FGF12: variants seen among roughly 807,000 people sequenced by gnomAD.
FGF12 encodes fibroblast growth factor 12B.
Under a neutral mutation model 23.6 loss-of-function variants are expected in FGF12, and 14 were observed. The observed-to-expected ratio is 0.59, with a 90% CI of 0.39 to 0.93. FGF12 has a LOEUF of 0.93. FGF12 is among the 40% of genes least tolerant of loss of function. The pLI, the probability that FGF12 is intolerant of heterozygous loss-of-function variation, is 0.00. For synonymous variants in FGF12, 62 were observed against 77.3 expected (o/e 0.80, Z 1.04); for missense variants, 175 against 217.8 (o/e 0.80, Z 1.24).
intron 2 of FGF12, among the ~76,000 whole-genome samples, chr3:192,439,374 A>G (rs1015405451): frequency 6.6e-6 from 1 of 152,154 alleles, no homozygotes; most frequent in African/African-American, 2.4e-5. Context: ...GGGAGCTGAA[A>G]AGAACATCAA....
At chr3:192,719,260 C>A (rs1434745627) in intron 2 of FGF12, among the ~76,000 whole-genome samples, 1 of 152,194 alleles carries the variant, frequency 6.6e-6, no homozygotes. Flanking sequence ...GAACAGCTAA[C>A]AAACAGCAGG....
intron 3 of FGF12, among the ~76,000 whole-genome samples, chr3:192,351,427 A>G (rs1464050046): frequency 2.0e-5 from 3 of 152,236 alleles, no homozygotes; most frequent in Non-Finnish European, 2.9e-5. Flanking sequence ...AATCGGTGAT[A>G]TTTAAGGGGT....
chr3:192,273,957 C>T (rs1436403478), intron 4 of FGF12, among the ~76,000 whole-genome samples: 3 of 151,328 alleles, frequency 2.0e-5, no homozygotes, highest in African/African-American at 4.9e-5. Context: ...CTGTCATCAG[C>T]ATCGTAATGA....
At chr3:192,688,888 T>TAA (rs1388818516) in intron 2 of FGF12, among the ~76,000 whole-genome samples, 6 of 152,146 alleles carry the variant, frequency 3.9e-5, no homozygotes, top group African/African-American at 1.4e-4. Context: ...GATATATATA[T>TAA]AATGAAATAC....
At chr3:192,306,976 CT>C (rs1407870703) in intron 4 of FGF12, among the ~76,000 whole-genome samples, 1 of 151,990 alleles carries the variant, frequency 6.6e-6, no homozygotes, top group East Asian at 1.9e-4. Flanking sequence ...AGAAAAGTAC[CT>C]GTGAAAGAAT....
At chr3:192,318,626 C>G (rs1296421601) in intron 4 of FGF12, among the ~76,000 whole-genome samples, 1 of 151,642 alleles carries the variant, frequency 6.6e-6, no homozygotes, top group Non-Finnish European at 1.5e-5. Flanking sequence ...GAGTTGTTGG[C>G]CTTAAGGAGG....
intron 2 of FGF12, among the ~76,000 whole-genome samples, chr3:192,635,465 T>C (rs1715543841): frequency 6.6e-6 from 1 of 152,246 alleles, no homozygotes; most frequent in Non-Finnish European, 1.5e-5. Context: ...TTAACTTAAG[T>C]ACAACCTGGT....
chr3:192,167,542 T>G (rs1360446820), intron 5 of FGF12, among the ~76,000 whole-genome samples: 2 of 151,320 alleles, frequency 1.3e-5, no homozygotes. Flanking sequence ...TAGATTTGTT[T>G]TGTGAGAGAA....
intron 5 of FGF12, among the ~76,000 whole-genome samples, chr3:192,167,913 C>T (rs769543739): frequency 8.6e-5 from 13 of 150,456 alleles, no homozygotes; most frequent in Non-Finnish European, 1.3e-4. Context: ...ATTACCGGCA[C>T]GTGCCACCAC....
intron 4 of FGF12, among the ~76,000 whole-genome samples, chr3:192,318,254 A>G (rs143454197): frequency 3.5e-4 from 54 of 152,346 alleles, no homozygotes; most frequent in African/African-American, 1.3e-3. Context: ...AATGAACTAA[A>G]TAAGACCCCA....
intron 3 of FGF12, among the ~76,000 whole-genome samples, chr3:192,358,535 T>C (rs757413408): frequency 3.9e-5 from 6 of 152,106 alleles, no homozygotes; most frequent in Non-Finnish European, 7.4e-5. Flanking sequence ...TGCTAAGATA[T>C]ATATATGCAT....
chr3:192,621,463 T>C (rs912097020), intron 2 of FGF12, among the ~76,000 whole-genome samples: 3 of 152,218 alleles, frequency 2.0e-5, no homozygotes, highest in South Asian at 4.1e-4. Flanking sequence ...TCTGCCACTG[T>C]GATCTTAGAG....
chr3:192,515,585 G>A (rs1009611725), intron 2 of FGF12: 2 of 152,514 alleles, frequency 1.3e-5, no homozygotes, highest in African/African-American at 4.8e-5. Context: ...GATTGGCAGC[G>A]GCGTGCTTGT....
chr3:192,360,596 A>G lies in FGF12; in HGVS notation c.14-58T>C. The G allele has an allele frequency of 8.5e-7, 1 of 1,171,792 alleles. No individual in the cohort carries two copies. The highest frequency in any genetic ancestry group is 1.3e-6 in the Non-Finnish European group (1 of 778,828). 72.6% of individuals were successfully genotyped at this position (1,171,792 alleles called of 1,614,324 possible). A position where few individuals can be genotyped will look rare whatever the true frequency, so the allele number is the denominator to read the frequency against. On this transcript the variant is annotated intron_variant, in intron 2 of 5. Coordinates refer to ENST00000445105, the MANE Select transcript of FGF12 (RefSeq NM_004113.6). This position sits in a 1 kb window ranked among gnomAD's most constrained non-coding sequence, Gnocchi z 4.3. Reference sequence around the variant, plus strand: ...TTGGCTTACACAAATGCACACTTACAGATTGTTAAAAACATCCTGTAAGTA... The same window carrying G: ...TTGGCTTACACAAATGCACACTTACGGATTGTTAAAAACATCCTGTAAGTA...
chr3:192,456,309 C>T (rs1722679927), intron 2 of FGF12, among the ~76,000 whole-genome samples: 1 of 152,204 alleles, frequency 6.6e-6, no homozygotes, highest in Non-Finnish European at 1.5e-5. Context: ...TGTTATGCCA[C>T]TGACCAAACT....
chr3:192,708,904 G>C (rs1031298380), intron 2 of FGF12, among the ~76,000 whole-genome samples: 1 of 152,156 alleles, frequency 6.6e-6, no homozygotes, highest in African/African-American at 2.4e-5. Context: ...TTATATTACT[G>C]ATAAAGAACT....
chr3:192,628,037 C>G (rs1269718686), intron 2 of FGF12, among the ~76,000 whole-genome samples: 1 of 152,118 alleles, frequency 6.6e-6, no homozygotes, highest in Non-Finnish European at 1.5e-5. Flanking sequence ...CTGGAAACCA[C>G]TAATCTGTTT....
At chr3:192,647,229 G>A (rs868859240) in intron 2 of FGF12, among the ~76,000 whole-genome samples, 25 of 152,148 alleles carry the variant, frequency 1.6e-4, no homozygotes, top group African/African-American at 4.6e-4. Context: ...CTCCTCCTTC[G>A]TGCTGAATGA....
intron 2 of FGF12, among the ~76,000 whole-genome samples, chr3:192,664,298 G>T (rs2108686737): frequency 6.6e-6 from 1 of 152,230 alleles, no homozygotes; most frequent in Admixed American, 6.5e-5. Context: ...TTGAGTGTGA[G>T]CACTTCCTGT....
Sources: gnomAD v4.1 joint callset for allele counts (sites outside exome capture counted in the v4.1 genomes callset) on GRCh38, gnomAD v4.1.1 for gene constraint, Gnocchi (gnomAD v3.1) non-coding constraint, MANE v1.5 for transcripts, NCBI Gene and HGNC (gene_info 2026-07-23, HGNC 2026-07-21) for gene names.